DLG2: variants seen among roughly 807,000 people sequenced by gnomAD.
The protein encoded by DLG2 is discs large MAGUK scaffold protein 2, also known as disks large homolog 2.
A neutral mutation model predicts 132.5 loss-of-function variants in DLG2; 45 were observed. That is an observed-to-expected ratio of 0.34 (90% CI 0.27 to 0.44). The LOEUF (loss-of-function observed/expected upper bound fraction) is 0.44. Among genes scored for constraint, DLG2 ranks in the 20% least tolerant of loss-of-function variants. The pLI is 1.00. For missense variants in DLG2, 1,045 were observed against 1,196.9 expected (o/e 0.87, Z 1.87); for synonymous variants, 424 against 419.6 (o/e 1.01, Z -0.13).
At chr11:83,916,906 A>G (rs1382874551) in intron 15 of DLG2, among the ~76,000 whole-genome samples, 5 of 152,078 alleles carry the variant, frequency 3.3e-5, no homozygotes, top group Non-Finnish European at 7.4e-5. Context: ...TCCGTCACAG[A>G]CTACTGGTGT....
At chr11:84,357,208 C>T (rs1363025537) in intron 7 of DLG2, among the ~76,000 whole-genome samples, 3 of 152,040 alleles carry the variant, frequency 2.0e-5, no homozygotes, top group Non-Finnish European at 4.4e-5. Context: ...CAGCAAACTA[C>T]AGAGGGATAG....
chr11:85,390,871 C>T (rs1017616889), intron 3 of DLG2, among the ~76,000 whole-genome samples: 7 of 151,842 alleles, frequency 4.6e-5, no homozygotes, highest in Non-Finnish European at 8.8e-5. Context: ...TAAGGTCACA[C>T]CTCAAGGAAC....
At chr11:84,778,711 ATTG>A (rs2071147177) in intron 6 of DLG2, among the ~76,000 whole-genome samples, 1 of 152,064 alleles carries the variant, frequency 6.6e-6, no homozygotes, top group Non-Finnish European at 1.5e-5. Flanking sequence ...GAGGGAAATT[ATTG>A]TTTTTGGATG....
At chr11:84,282,141 G>A (rs889713083) in intron 7 of DLG2, among the ~76,000 whole-genome samples, 6 of 152,148 alleles carry the variant, frequency 3.9e-5, no homozygotes, top group African/African-American at 1.4e-4. Flanking sequence ...TTAAACAATT[G>A]TGGTATTTGC....
chr11:85,333,173 T>G (rs1328854225), intron 3 of DLG2, among the ~76,000 whole-genome samples: 1 of 152,144 alleles, frequency 6.6e-6, no homozygotes, highest in Non-Finnish European at 1.5e-5. Context: ...TGATTAGCTA[T>G]ATTCCTATGT....
At chr11:84,063,140 A>T (rs950338662) in intron 10 of DLG2, among the ~76,000 whole-genome samples, 2 of 152,192 alleles carry the variant, frequency 1.3e-5, no homozygotes, top group African/African-American at 2.4e-5. Context: ...ACATATACAG[A>T]CTTACTCTCC....
chr11:85,221,317 A>G (rs1219493050), intron 4 of DLG2, among the ~76,000 whole-genome samples: 1 of 152,052 alleles, frequency 6.6e-6, no homozygotes, highest in African/African-American at 2.4e-5. Flanking sequence ...TCAGCCTCCC[A>G]AAGTGCTGGG....
intron 8 of DLG2, among the ~76,000 whole-genome samples, chr11:84,198,808 C>A (rs545384878): frequency 6.6e-6 from 1 of 152,236 alleles, no homozygotes; most frequent in South Asian, 2.1e-4. Flanking sequence ...ACTTTGCACT[C>A]ATGGTAACAC....
rs77207985 is a variant in DLG2, at chr11:83,685,124, T to C, written c.1826-51799A>G. On this transcript the variant is annotated intron_variant, in intron 18 of 27. Transcript: ENST00000376104. ...TTGAAATGGTCTGTACTATTATCTTTACCGTATAGGTGAGGACTCTGGCTA... is the reference window on the plus strand; with the variant it reads ...TTGAAATGGTCTGTACTATTATCTTCACCGTATAGGTGAGGACTCTGGCTA... Among the ~76,000 whole-genome samples the C allele has an allele frequency of 3.4e-4, 52 of 152,296 alleles. No homozygotes were observed. In the East Asian group the frequency reaches 9.3e-3, roughly 27 times the overall value.
At chr11:83,504,369 A>C (rs1159129420) in intron 21 of DLG2, among the ~76,000 whole-genome samples, 1 of 152,198 alleles carries the variant, frequency 6.6e-6, no homozygotes, top group Non-Finnish European at 1.5e-5. Context: ...CCTTAATCAC[A>C]GGGCACAGTA....
chr11:85,505,381 T>A lies in DLG2; in HGVS notation c.40+93276A>T, dbSNP rs2093905955. On this transcript the variant is annotated intron_variant, in intron 3 of 27. Transcript: ENST00000376104. ...TTTGTCATAAAGAGGTCTTATTATTTTGAGATATGTCCCATCAATATCTAG... is the reference window on the plus strand; with the variant it reads ...TTTGTCATAAAGAGGTCTTATTATTATGAGATATGTCCCATCAATATCTAG... 6.6e-5 allele frequency among the ~76,000 whole-genome samples: 10 copies of A among 152,252 alleles called. No individual in the cohort carries two copies. The South Asian group carries it at 2.1e-3, about 32-fold the overall frequency.
chr11:85,114,573 C>T (rs2073265471), intron 5 of DLG2, among the ~76,000 whole-genome samples: 1 of 151,982 alleles, frequency 6.6e-6, no homozygotes, highest in African/African-American at 2.4e-5. Flanking sequence ...AGAGACAAAA[C>T]TATCAATGGG....
chr11:83,889,863 A>G (rs2069183237), intron 15 of DLG2, among the ~76,000 whole-genome samples: 1 of 151,394 alleles, frequency 6.6e-6, no homozygotes, highest in Non-Finnish European at 1.5e-5. Context: ...CGCAAGAACA[A>G]AAAACCAAAT....
intron 7 of DLG2, among the ~76,000 whole-genome samples, chr11:84,367,423 G>A (rs187002916): frequency 6.6e-6 from 1 of 152,086 alleles, no homozygotes; most frequent in Non-Finnish European, 1.5e-5. Flanking sequence ...CTTGGCCCAT[G>A]AACTGTAGTT....
At chr11:84,110,625 G>A (rs1489776151) in intron 9 of DLG2, among the ~76,000 whole-genome samples, 2 of 152,142 alleles carry the variant, frequency 1.3e-5, no homozygotes, top group Non-Finnish European at 2.9e-5. Flanking sequence ...AAGATAGGTT[G>A]GAAGTATCCT....
At chr11:85,587,634 A>C (rs1565724502) in intron 3 of DLG2, among the ~76,000 whole-genome samples, 1 of 152,036 alleles carries the variant, frequency 6.6e-6, no homozygotes, top group African/African-American at 2.4e-5. Context: ...TGGTGGGTGG[A>C]TTTTTATCCA....
intron 6 of DLG2, among the ~76,000 whole-genome samples, chr11:84,825,637 T>C (rs1230937109): frequency 6.6e-6 from 1 of 151,944 alleles, no homozygotes; most frequent in Non-Finnish European, 1.5e-5. Flanking sequence ...CATCCAGAGA[T>C]ATCCTCACTG....
At chr11:85,506,092 T>G (rs1216742979) in intron 3 of DLG2, among the ~76,000 whole-genome samples, 2 of 152,338 alleles carry the variant, frequency 1.3e-5, no homozygotes, top group East Asian at 3.8e-4. Flanking sequence ...TTATTGTGTC[T>G]ATTTGATTTT....
At chr11:84,586,640 T>G (rs1303733575) in intron 6 of DLG2, among the ~76,000 whole-genome samples, 2 of 152,162 alleles carry the variant, frequency 1.3e-5, no homozygotes, top group Non-Finnish European at 2.9e-5. Flanking sequence ...AAACTATTTT[T>G]CTATATTATT....
Sources: gnomAD v4.1 joint callset for allele counts (sites outside exome capture counted in the v4.1 genomes callset) on GRCh38, gnomAD v4.1.1 for gene constraint, MANE v1.5 for transcripts, NCBI Gene and HGNC (gene_info 2026-07-23, HGNC 2026-07-21) for gene names.